MEGF10: variants seen among roughly 807,000 people sequenced by gnomAD.
MEGF10 encodes the protein multiple epidermal growth factor-like domains protein 10.
Under a neutral mutation model 147.5 loss-of-function variants are expected in MEGF10, and 86 were observed. The ratio of observed to expected loss-of-function variants is 0.58; its 90% CI spans 0.49 to 0.70. The LOEUF is 0.70. Among genes scored for constraint, MEGF10 ranks in the 30% least tolerant of loss-of-function variants. The pLI is 0.00. For synonymous variants in MEGF10, 478 were observed against 525.5 expected (o/e 0.91, Z 1.24); for missense variants, 1,329 against 1,487.3 (o/e 0.89, Z 1.75).
chr5:127,266,500 A>G, the MEGF10 span, among the ~76,000 whole-genome samples: 1 of 151,984 alleles, frequency 6.6e-6, no homozygotes, highest in East Asian at 1.9e-4. Flanking sequence ...GAATCTATAA[A>G]TTACCTTGAG....
At chr5:127,412,295 A>G (rs1248808437) in intron 9 of MEGF10, among the ~76,000 whole-genome samples, 1 of 152,238 alleles carries the variant, frequency 6.6e-6, no homozygotes, top group Non-Finnish European at 1.5e-5. Context: ...AATTTCTATT[A>G]AAACAAGTTT....
chr5:127,246,999 T>TATATATATATAC, the MEGF10 span, among the ~76,000 whole-genome samples: 28 of 126,610 alleles, frequency 2.2e-4, no homozygotes, highest in African/African-American at 8.6e-4. Flanking sequence ...TATATATATA[T>TATATATATATAC]ATATATATAG....
At chr5:127,230,114 G>A in the MEGF10 span, among the ~76,000 whole-genome samples, 5 of 151,974 alleles carry the variant, frequency 3.3e-5, no homozygotes, top group Non-Finnish European at 7.4e-5. Flanking sequence ...TGTCCATGTC[G>A]TTCCCCAAGT....
At chr5:127,259,853 A>G in the MEGF10 span, among the ~76,000 whole-genome samples, 1 of 152,126 alleles carries the variant, frequency 6.6e-6, no homozygotes, top group Non-Finnish European at 1.5e-5. Flanking sequence ...ACTAGCTTAT[A>G]CTGTATAAGA....
At chr5:127,437,416 T>C (rs538552546) in intron 16 of MEGF10, among the ~76,000 whole-genome samples, 18,845 of 152,174 alleles carry the variant, frequency 0.12, 1,302 homozygotes, top group South Asian at 0.2. Context: ...CTCTTGGACA[T>C]GGTGCACACA....
chr5:127,269,027 C>T, the MEGF10 span, among the ~76,000 whole-genome samples: 13 of 152,242 alleles, frequency 8.5e-5, no homozygotes, highest in Admixed American at 5.9e-4. Flanking sequence ...AGCTGAGGGT[C>T]CTGACTGTTA....
chr5:127,245,419 A>G, the MEGF10 span, among the ~76,000 whole-genome samples: 1 of 152,150 alleles, frequency 6.6e-6, no homozygotes, highest in Non-Finnish European at 1.5e-5. Flanking sequence ...AGAAAACTGA[A>G]ACTAGACCCC....
intron 21 of MEGF10, 86 bp from the exon 22 acceptor site, chr5:127,449,013 C>A: frequency 6.5e-7 from 1 of 1,543,732 alleles, no homozygotes; most frequent in Non-Finnish European, 8.8e-7. Context: ...TCAATATGTG[C>A]CCTGGACTTT....
chr5:127,396,158 C>T (rs1580811781), intron 5 of MEGF10, among the ~76,000 whole-genome samples: 2 of 148,964 alleles, frequency 1.3e-5, no homozygotes, highest in African/African-American at 4.8e-5. Context: ...CCTGCATGAG[C>T]TGATCATTCC....
chr5:127,348,630 T>C (rs1761982085), intron 4 of MEGF10, among the ~76,000 whole-genome samples: 1 of 152,186 alleles, frequency 6.6e-6, no homozygotes, highest in Admixed American at 6.6e-5. Flanking sequence ...TTTTTAATAA[T>C]TAGTATTTGA....
chr5:127,388,269 C>T (rs1009740958), intron 5 of MEGF10, among the ~76,000 whole-genome samples: 3 of 151,956 alleles, frequency 2.0e-5, no homozygotes, highest in Non-Finnish European at 4.4e-5. Context: ...CCTCCTCAGC[C>T]TCCTGAGTAG....
At chr5:127,423,394 A>T (rs1448814336) in intron 13 of MEGF10, among the ~76,000 whole-genome samples, 1 of 152,336 alleles carries the variant, frequency 6.6e-6, no homozygotes, top group East Asian at 1.9e-4. Flanking sequence ...TGAAAGAAGA[A>T]GTTTCTGCTC....
intron 5 of MEGF10, among the ~76,000 whole-genome samples, chr5:127,391,492 C>A (rs1337421896): frequency 1.3e-5 from 2 of 151,386 alleles, no homozygotes; most frequent in Non-Finnish European, 2.9e-5. Context: ...CACTTGAGCC[C>A]AGGGAAGGTT....
chr5:127,449,604 G>A (rs923589378), intron 22 of MEGF10, among the ~76,000 whole-genome samples: 1 of 152,150 alleles, frequency 6.6e-6, no homozygotes. Flanking sequence ...TACTTGCACA[G>A]GACCTCATCG....
At chr5:127,333,128 T>C (rs1390577309) in intron 2 of MEGF10, among the ~76,000 whole-genome samples, 1 of 152,106 alleles carries the variant, frequency 6.6e-6, no homozygotes, top group African/African-American at 2.4e-5. Flanking sequence ...GTTTAAAATA[T>C]GGGCCTGGAA....
the MEGF10 span, among the ~76,000 whole-genome samples, chr5:127,236,154 G>C: frequency 5.3e-5 from 8 of 152,174 alleles, no homozygotes; most frequent in East Asian, 1.5e-3. Context: ...TGTATTTTTA[G>C]TAGAGATGGG....
the MEGF10 span, among the ~76,000 whole-genome samples, chr5:127,270,824 G>T: frequency 1.3e-5 from 2 of 152,136 alleles, no homozygotes; most frequent in Non-Finnish European, 2.9e-5. Context: ...TGCGGTATTT[G>T]GTTATATTTT....
At chr5:127,455,341 C>A in intron 23 of MEGF10, 60 bp from the exon 24 acceptor site, 1 of 1,382,804 alleles carries the variant, frequency 7.2e-7, no homozygotes, top group Non-Finnish European at 1.0e-6. Flanking sequence ...TAAAATATCA[C>A]CAAGAAATGA....
At chr5:127,235,019 T>C in the MEGF10 span, among the ~76,000 whole-genome samples, 2 of 152,218 alleles carry the variant, frequency 1.3e-5, no homozygotes, top group South Asian at 4.2e-4. Context: ...AATTTTTTTG[T>C]ATTTTTAGTA....
Sources: gnomAD v4.1 joint callset for allele counts (sites outside exome capture counted in the v4.1 genomes callset) on GRCh38, gnomAD v4.1.1 for gene constraint, MANE v1.5 for transcripts, NCBI Gene and HGNC (gene_info 2026-07-23, HGNC 2026-07-21) for gene names.